PM20D2: variants seen among roughly 807,000 people sequenced by gnomAD.
The protein encoded by PM20D2 is xaa-Arg dipeptidase.
In PM20D2, 33 loss-of-function variants were observed where a neutral mutation model predicts 42.9. The observed-to-expected ratio is 0.77, with a 90% CI of 0.58 to 1.03. The LOEUF (loss-of-function observed/expected upper bound fraction) is 1.03, where lower values mean the gene tolerates loss of function less well. Ranked by LOEUF, PM20D2 falls within the 50% of genes least tolerant of loss-of-function variation. The pLI, the probability that PM20D2 is intolerant of heterozygous loss-of-function variation, is 0.00. For missense variants in PM20D2, 548 were observed against 557.0 expected, an observed-to-expected ratio of 0.98 and a Z score of 0.16; for synonymous variants, 250 against 228.2, an observed-to-expected ratio of 1.10 and a Z score of -0.86.
At chr6:89,117,736 C>T in the PM20D2 span, 11 of 1,332,420 alleles carry the variant, frequency 8.3e-6, no homozygotes, top group African/African-American at 1.6e-4. Flanking sequence ...CTCCCCCGAG[C>T]CTCCGCCGGG....
the PM20D2 span, among the ~76,000 whole-genome samples, chr6:89,121,223 T>C: frequency 9.9e-3 from 1,501 of 152,282 alleles, 14 homozygotes; most frequent in Non-Finnish European, 0.015. Flanking sequence ...GGAATTGATA[T>C]AAAATAAGTT....
the PM20D2 span, among the ~76,000 whole-genome samples, chr6:89,140,878 A>T: frequency 6.6e-6 from 1 of 152,210 alleles, no homozygotes; most frequent in Non-Finnish European, 1.5e-5. Flanking sequence ...ATCCGCACAG[A>T]ACTTGAAAAC....
At chr6:89,145,723 A>C (rs1216676220), upstream of PM20D2, among the ~76,000 whole-genome samples, 1 of 152,174 alleles carries the variant, frequency 6.6e-6, no homozygotes, top group African/African-American at 2.4e-5. Flanking sequence ...AATGCTACAG[A>C]GTGGCGTTTT....
the PM20D2 span, among the ~76,000 whole-genome samples, chr6:89,131,191 T>C: frequency 6.6e-6 from 1 of 151,990 alleles, no homozygotes; most frequent in African/African-American, 2.4e-5. Flanking sequence ...GATAAATTAA[T>C]CTATTAACCC....
At chr6:89,143,939 C>T (rs376312581), upstream of PM20D2, among the ~76,000 whole-genome samples, 15 of 152,258 alleles carry the variant, frequency 9.9e-5, 2 homozygotes, top group Admixed American at 3.9e-4. Flanking sequence ...AATCAGCCAA[C>T]AAATATTTAT....
intron 2 of PM20D2, among the ~76,000 whole-genome samples, chr6:89,150,922 G>A (rs1770812351): frequency 6.6e-6 from 1 of 151,714 alleles, no homozygotes; most frequent in Admixed American, 6.6e-5. Context: ...GGGAGGCCAA[G>A]GCAGGTGGAT....
chr6:89,150,406 G>C (rs1203559139), intron 2 of PM20D2, among the ~76,000 whole-genome samples: 1 of 152,096 alleles, frequency 6.6e-6, no homozygotes, highest in Non-Finnish European at 1.5e-5. Flanking sequence ...ATGCAGGCAG[G>C]CTCTGCAGCT....
the PM20D2 span, among the ~76,000 whole-genome samples, chr6:89,137,485 C>G: frequency 6.6e-6 from 1 of 152,156 alleles, no homozygotes. Context: ...AGTGGATGAT[C>G]CTATCATGCA....
chr6:89,094,221 CT>C, the PM20D2 span, among the ~76,000 whole-genome samples: 1 of 150,034 alleles, frequency 6.7e-6, no homozygotes, highest in African/African-American at 2.5e-5. Context: ...GCACCGGCCT[CT>C]TTATTTTTTT....
chr6:89,144,769 C>T (rs1770465297), upstream of PM20D2, among the ~76,000 whole-genome samples: 1 of 152,074 alleles, frequency 6.6e-6, no homozygotes, highest in Non-Finnish European at 1.5e-5. Flanking sequence ...TATTGGATCT[C>T]GTGGATACAG....
At chr6:89,117,035 C>T in the PM20D2 span, among the ~76,000 whole-genome samples, 2 of 151,930 alleles carry the variant, frequency 1.3e-5, no homozygotes, top group African/African-American at 2.4e-5. Context: ...CGTTCCCTCT[C>T]CCCCCGCCCC....
chr6:89,148,730 G>C (rs1770697326), intron 1 of PM20D2, among the ~76,000 whole-genome samples: 1 of 152,178 alleles, frequency 6.6e-6, no homozygotes, highest in South Asian at 2.1e-4. Context: ...TCCTAATTCT[G>C]CCTGAAGACT....
chr6:89,105,832 C>CA, the PM20D2 span: 24 of 166,922 alleles, frequency 1.4e-4, no homozygotes, highest in Middle Eastern at 2.8e-3. Flanking sequence ...ACAAGAAAAA[C>CA]AAAAAAAAAG....
intron 4 of PM20D2, 50 bp downstream of exon 4, chr6:89,154,952 G>T (rs1403711733): frequency 1.4e-6 from 2 of 1,412,520 alleles, no homozygotes; most frequent in African/African-American, 2.9e-5. Flanking sequence ...GTATATATGT[G>T]GGCTAGCACT....
intron 4 of PM20D2, 135 bp downstream of exon 4, chr6:89,155,037 A>T (rs2127779038): frequency 1.3e-6 from 1 of 757,116 alleles, no homozygotes; most frequent in South Asian, 3.6e-5. Context: ...CTGAATAGTT[A>T]ATGTGAAAGT....
chr6:89,151,105 C>T lies in PM20D2; in HGVS notation c.614+1692C>T, dbSNP rs557808575. Among the ~76,000 whole-genome samples, 12 of 144,036 alleles carry T rather than the reference C, an allele frequency of 8.3e-5. No homozygotes were observed. In the South Asian group the frequency reaches 2.7e-3, roughly 32 times the overall value. The allele number at this position is 144,036 out of a possible 152,430, so 94.5% of individuals were successfully genotyped here. ...GGCGGAGGTTGCAGTGAGCCAAGAT[C>T]GTGCCATTGCACTCCAGCCTGGCCA... On this transcript the variant is annotated intron_variant, in intron 2 of 6. Coordinates refer to ENST00000275072, the MANE Select transcript of PM20D2 (RefSeq NM_001010853.3).
the PM20D2 span, chr6:89,117,813 G>T: frequency 6.5e-7 from 1 of 1,549,794 alleles, no homozygotes; most frequent in Non-Finnish European, 8.7e-7. Flanking sequence ...CTGCAGCCGC[G>T]GCCGTTCACC....
chr6:89,165,445 G>A lies in PM20D2; in HGVS notation c.*3182G>A, dbSNP rs1426034949. 2 of 152,098 alleles carry A rather than the reference G, an allele frequency of 1.3e-5. No homozygotes were observed. Among genetic ancestry groups the A allele is most frequent in the Admixed American group, 1.3e-4 (2 of 15,270 alleles). 9.4% of individuals were successfully genotyped at this position (152,098 alleles called of 1,614,324 possible). Reference sequence around the variant, plus strand: ...AGTTGAGGATGGTGTATTTTGATATGTATGAAGTTAATATTTTCAAGTAAG... The same window carrying A: ...AGTTGAGGATGGTGTATTTTGATATATATGAAGTTAATATTTTCAAGTAAG... On this transcript the variant is annotated 3_prime_UTR_variant, in exon 7 of 7. Transcript: ENST00000275072.
the PM20D2 span, among the ~76,000 whole-genome samples, chr6:89,138,946 ATTAAT>A: frequency 6.6e-6 from 1 of 152,242 alleles, no homozygotes; most frequent in African/African-American, 2.4e-5. Context: ...CCTAAGCCAA[ATTAAT>A]TTATAACAAA....
Sources: gnomAD v4.1 joint callset for allele counts (sites outside exome capture counted in the v4.1 genomes callset) on GRCh38, gnomAD v4.1.1 for gene constraint, MANE v1.5 for transcripts, NCBI Gene and HGNC (gene_info 2026-07-23, HGNC 2026-07-21) for gene names.